ROBO2: variants seen among roughly 807,000 people sequenced by gnomAD.
The protein encoded by ROBO2 is roundabout homolog 2.
Under a neutral mutation model 160.8 loss-of-function variants are expected in ROBO2, and 53 were observed. The ratio of observed to expected loss-of-function variants is 0.33; its 90% confidence interval spans 0.26 to 0.41. The LOEUF is 0.41. Among genes scored for constraint, ROBO2 ranks in the 10% least tolerant of loss-of-function variants. The pLI, the probability that ROBO2 is intolerant of heterozygous loss-of-function variation, is 1.00. For synonymous variants in ROBO2, 664 were observed against 611.7 expected, an observed-to-expected ratio of 1.09 and a Z score of -1.26; for missense variants, 1,577 against 1,722.4, an observed-to-expected ratio of 0.92 and a Z score of 1.49.
At chr3:77,580,422 A>G (rs1271571693) in intron 16 of ROBO2, among the ~76,000 whole-genome samples, 1 of 152,178 alleles carries the variant, frequency 6.6e-6, no homozygotes, top group Non-Finnish European at 1.5e-5. Context: ...TTGAAATATA[A>G]TAAAAATGAG....
chr3:75,934,320 A>G (rs1333474678), intron 1 of ROBO2, among the ~76,000 whole-genome samples: 2 of 152,206 alleles, frequency 1.3e-5, no homozygotes. Context: ...GGTACAAGTA[A>G]AAGTACATAC....
chr3:76,675,437 GA>G (rs891889408), intron 2 of ROBO2, among the ~76,000 whole-genome samples: 2 of 45,236 alleles, frequency 4.4e-5, no homozygotes, highest in African/African-American at 2.6e-4. Flanking sequence ...GGGGGAAAAA[GA>G]AACGAAAACA....
intron 2 of ROBO2, among the ~76,000 whole-genome samples, chr3:75,996,917 C>T (rs528186360): frequency 1.1e-4 from 17 of 152,250 alleles, no homozygotes; most frequent in African/African-American, 2.4e-4. Context: ...GACAAATTTT[C>T]GATTTCCTTG....
intron 5 of ROBO2, among the ~76,000 whole-genome samples, chr3:77,509,034 GA>G (rs1473526032): frequency 1.3e-5 from 2 of 152,080 alleles, no homozygotes; most frequent in Non-Finnish European, 2.9e-5. Flanking sequence ...CAAAATGAGA[GA>G]GGGGTAACTC....
chr3:77,426,974 G>A (rs2078273886), intron 2 of ROBO2, among the ~76,000 whole-genome samples: 1 of 152,160 alleles, frequency 6.6e-6, no homozygotes, highest in Non-Finnish European at 1.5e-5. Context: ...TCTCCCAAGA[G>A]TCATACTCCT....
In ROBO2 at chr3:76,274,864, A is replaced by T. The variant is rs542608929; in HGVS notation, c.109+337262A>T. On this transcript the variant is annotated intron_variant, in intron 2 of 26. Coordinates refer to the ROBO2 transcript ENST00000487694. ...AAAAAAAAAAAAAAGAATGAAAGGA[A>T]ATATAGCAACATTATTTAATCATAT... is the stretch of plus-strand genomic sequence containing the variant. Among the ~76,000 whole-genome samples the T allele has an allele frequency of 4.6e-5, 7 of 152,134 alleles. No individual in the cohort carries two copies. The South Asian group carries it at 1.4e-3, about 32-fold the overall frequency.
intron 2 of ROBO2, among the ~76,000 whole-genome samples, chr3:76,963,494 T>G (rs1276466808): frequency 1.3e-5 from 2 of 152,144 alleles, no homozygotes; most frequent in Non-Finnish European, 2.9e-5. Context: ...AAGTAAAATT[T>G]TATGGAATAC....
At chr3:76,133,205 T>C (rs187351047) in intron 2 of ROBO2, among the ~76,000 whole-genome samples, 1 of 152,180 alleles carries the variant, frequency 6.6e-6, no homozygotes, top group East Asian at 1.9e-4. Context: ...AAATTAATGT[T>C]GGAAAGGCCA....
chr3:76,024,934 T>C (rs1325914826), intron 2 of ROBO2, among the ~76,000 whole-genome samples: 2 of 149,540 alleles, frequency 1.3e-5, no homozygotes, highest in Non-Finnish European at 3.0e-5. Flanking sequence ...TGTGTGTGTG[T>C]GCGTATATAT....
intron 2 of ROBO2, among the ~76,000 whole-genome samples, chr3:76,329,181 C>T (rs1049252880): frequency 4.6e-5 from 7 of 151,990 alleles, no homozygotes; most frequent in African/African-American, 9.7e-5. Context: ...GGTCAGGCGG[C>T]GCTACTCCTG....
chr3:76,109,364 G>A (rs1348993439), intron 2 of ROBO2, among the ~76,000 whole-genome samples: 1 of 151,998 alleles, frequency 6.6e-6, no homozygotes, highest in Non-Finnish European at 1.5e-5. Flanking sequence ...ATGGCAGTAT[G>A]GGTTTGAAAA....
At chr3:76,107,071 T>C (rs1288131454) in intron 2 of ROBO2, among the ~76,000 whole-genome samples, 1 of 152,120 alleles carries the variant, frequency 6.6e-6, no homozygotes, top group East Asian at 1.9e-4. Context: ...TGGAAAACTT[T>C]CTGCATCACA....
At chr3:76,413,020 T>C (rs2075574904) in intron 2 of ROBO2, among the ~76,000 whole-genome samples, 1 of 152,222 alleles carries the variant, frequency 6.6e-6, no homozygotes, top group Non-Finnish European at 1.5e-5. Context: ...AGTTCTTGCC[T>C]TCTGTGCACA....
Position 77,423,577 on chromosome 3 carries a change from C to T in ROBO2, c.389-53837C>T, listed in dbSNP as rs541875713. ...GCCTTTGTTCTTCCTGGTTTTTCTACTTAGAATGTCCCTCCCCACTTTTTT... is the reference window on the plus strand; with the variant it reads ...GCCTTTGTTCTTCCTGGTTTTTCTATTTAGAATGTCCCTCCCCACTTTTTT... On this transcript the variant is annotated intron_variant, in intron 2 of 25. Coordinates refer to ENST00000461745, the Ensembl canonical transcript of ROBO2. Among the ~76,000 whole-genome samples the T allele has an allele frequency of 5.9e-5, 9 of 152,212 alleles. 1 individual carries two copies. The highest frequency in any genetic ancestry group is 5.9e-4 in the Admixed American group (9 of 15,280).
intron 2 of ROBO2, among the ~76,000 whole-genome samples, chr3:76,067,733 T>C (rs997255989): frequency 2.0e-5 from 3 of 152,172 alleles, no homozygotes; most frequent in Non-Finnish European, 4.4e-5. Flanking sequence ...GAAATCTCAT[T>C]GAAAACTACA....
At chr3:77,370,281 T>C (rs1390078942) in intron 2 of ROBO2, among the ~76,000 whole-genome samples, 1 of 152,204 alleles carries the variant, frequency 6.6e-6, no homozygotes, top group Non-Finnish European at 1.5e-5. Context: ...ATAGTCATAC[T>C]ACATTGCTTG....
intron 2 of ROBO2, among the ~76,000 whole-genome samples, chr3:76,622,235 G>GAAGGAAAGA (rs2089186140): frequency 2.2e-5 from 1 of 44,792 alleles, no homozygotes; most frequent in Non-Finnish European, 4.2e-5. Flanking sequence ...AGGAAGGAAG[G>GAAGGAAAGA]AAGAAAGAAA....
intron 2 of ROBO2, among the ~76,000 whole-genome samples, chr3:76,194,666 C>T (rs1284963625): frequency 6.6e-6 from 1 of 151,492 alleles, no homozygotes; most frequent in East Asian, 1.9e-4. Flanking sequence ...TGTTACCAGG[C>T]TGGAGTGCAG....
At chr3:76,772,949 T>A (rs2062004837) in intron 2 of ROBO2, among the ~76,000 whole-genome samples, 1 of 151,178 alleles carries the variant, frequency 6.6e-6, no homozygotes, top group Non-Finnish European at 1.5e-5. Context: ...AATTTTGGCA[T>A]CGATGGAAAT....
Sources: allele counts gnomAD v4.1 joint callset (sites outside exome capture counted in the v4.1 genomes callset), GRCh38; gene constraint gnomAD v4.1.1; transcripts MANE v1.5; gene names NCBI Gene and HGNC (gene_info 2026-07-23, HGNC 2026-07-21).